Variants in SYT14 observed in about 807,000 individuals in gnomAD.
The protein encoded by SYT14 is synaptotagmin-14.
SYT14 carries 32 observed loss-of-function variants against 74.2 expected under a neutral mutation model. The ratio of observed to expected loss-of-function variants is 0.43; its 90% confidence interval spans 0.33 to 0.58. The LOEUF (loss-of-function observed/expected upper bound fraction) is 0.58. Ranked by LOEUF, SYT14 falls within the 20% of genes least tolerant of loss-of-function variation. SYT14 has a pLI of 0.05. For missense variants in SYT14, 791 were observed against 981.8 expected (o/e 0.81, Z 2.60); for synonymous variants, 298 against 337.7 (o/e 0.88, Z 1.29).
intron 5 of SYT14, 43 bp from the exon 5 acceptor site, chr1:210,094,279 G>A: frequency 6.2e-7 from 1 of 1,613,230 alleles, no homozygotes; most frequent in Non-Finnish European, 8.5e-7. Context: ...ACTGTGTGTT[G>A]AGGCTAATTG....
At chr1:210,096,715 C>T (rs1377127325) in intron 6 of SYT14, among the ~76,000 whole-genome samples, 1 of 152,224 alleles carries the variant, frequency 6.6e-6, no homozygotes, top group Non-Finnish European at 1.5e-5. Flanking sequence ...TGTCAACCTA[C>T]TAGGCAGTTG....
chr1:209,974,804 A>G (rs994402208), intron 2 of SYT14, among the ~76,000 whole-genome samples: 7 of 152,116 alleles, frequency 4.6e-5, no homozygotes, highest in African/African-American at 1.4e-4. Flanking sequence ...ACCTTGGGCA[A>G]TTTGGCCATT....
intron 7 of SYT14, among the ~76,000 whole-genome samples, chr1:210,118,215 T>C (rs1397585478): frequency 6.6e-6 from 1 of 152,000 alleles, no homozygotes; most frequent in Non-Finnish European, 1.5e-5. Flanking sequence ...TAGTTAAGTA[T>C]GCTCTAAAAT....
intron 2 of SYT14, among the ~76,000 whole-genome samples, chr1:209,961,358 T>C (rs923797434): frequency 6.6e-6 from 1 of 152,162 alleles, no homozygotes; most frequent in African/African-American, 2.4e-5. Context: ...ATAGTTCTAA[T>C]TGTCCAGAGT....
At chr1:210,087,605 G>GC (rs1471466673) in intron 5 of SYT14, among the ~76,000 whole-genome samples, 1 of 152,008 alleles carries the variant, frequency 6.6e-6, no homozygotes, top group Non-Finnish European at 1.5e-5. Flanking sequence ...CTGTAGGACT[G>GC]CCCCCATGTA....
At chr1:210,160,825 A>C (rs1408317268) in exon 10 of SYT14, 1 of 1,613,930 alleles carries the variant, frequency 6.2e-7, no homozygotes, top group Non-Finnish European at 8.5e-7. Context: ...CCAGTATATA[A>C]GGAAACTTTT....
chr1:210,163,073 C>T, exon 10 of SYT14: 1 of 453,472 alleles, frequency 2.2e-6, no homozygotes, highest in South Asian at 1.6e-5. Context: ...GCATTTGAAG[C>T]TATAATGAAC....
At chr1:209,969,414 T>G (rs2079208951) in intron 2 of SYT14, among the ~76,000 whole-genome samples, 1 of 152,096 alleles carries the variant, frequency 6.6e-6, no homozygotes, top group Non-Finnish European at 1.5e-5. Flanking sequence ...TCTGCTAATT[T>G]GTTTTTACTT....
intron 2 of SYT14, among the ~76,000 whole-genome samples, chr1:209,992,423 C>G (rs1016322828): frequency 6.6e-6 from 1 of 152,022 alleles, no homozygotes. Context: ...AGTGAAATAA[C>G]TAAAAAACAG....
intron 7 of SYT14, among the ~76,000 whole-genome samples, chr1:210,103,797 A>C (rs1278052381): frequency 6.6e-6 from 1 of 152,118 alleles, no homozygotes; most frequent in African/African-American, 2.4e-5. Context: ...TTATGCTAGT[A>C]TATATTGGGA....
At chr1:210,047,798 CTG>C (rs1269354613) in intron 5 of SYT14, among the ~76,000 whole-genome samples, 2 of 152,174 alleles carry the variant, frequency 1.3e-5, no homozygotes, top group Non-Finnish European at 2.9e-5. Context: ...AACAGGTTGA[CTG>C]TAGCTCAAGA....
chr1:209,994,519 G>A (rs902090514), intron 2 of SYT14, among the ~76,000 whole-genome samples: 6 of 152,138 alleles, frequency 3.9e-5, no homozygotes, highest in Admixed American at 3.9e-4. Context: ...AAGACTCATT[G>A]GCATTCCTGA....
chr1:209,943,317 C>G (rs979221706), intron 1 of SYT14, among the ~76,000 whole-genome samples: 1 of 151,794 alleles, frequency 6.6e-6, no homozygotes, highest in African/African-American at 2.4e-5. Flanking sequence ...CCAGCCTGGC[C>G]AACATGGTGA....
intron 7 of SYT14, among the ~76,000 whole-genome samples, chr1:210,118,944 A>G (rs1048687022): frequency 2.3e-4 from 35 of 152,328 alleles, no homozygotes; most frequent in African/African-American, 7.9e-4. Context: ...TAAAATAACA[A>G]TAAAGTATAC....
At chr1:210,063,931 C>G (rs2081250770) in intron 5 of SYT14, among the ~76,000 whole-genome samples, 1 of 151,744 alleles carries the variant, frequency 6.6e-6, no homozygotes, top group Non-Finnish European at 1.5e-5. Context: ...CTTTTAAAGT[C>G]CTTTTAACAC....
intron 5 of SYT14, among the ~76,000 whole-genome samples, chr1:210,038,574 T>C (rs903391283): frequency 7.9e-5 from 12 of 152,244 alleles, no homozygotes; most frequent in East Asian, 5.8e-4. Context: ...TTCATTTCCA[T>C]GTTTAGAATT....
At chr1:210,153,015 C>T (rs1206512551) in intron 7 of SYT14, among the ~76,000 whole-genome samples, 1 of 152,106 alleles carries the variant, frequency 6.6e-6, no homozygotes, top group South Asian at 2.1e-4. Context: ...TGTATGAACT[C>T]AGTACAAACT....
intron 1 of SYT14, among the ~76,000 whole-genome samples, chr1:209,950,248 TG>T (rs1349379208): frequency 6.6e-6 from 1 of 152,188 alleles, no homozygotes; most frequent in Non-Finnish European, 1.5e-5. Flanking sequence ...TTAATATGTA[TG>T]GAGAATATTT....
At chr1:210,090,404 A>T (rs1553277089) in intron 5 of SYT14, among the ~76,000 whole-genome samples, 1 of 152,168 alleles carries the variant, frequency 6.6e-6, no homozygotes, top group Non-Finnish European at 1.5e-5. Context: ...TTGAATATAC[A>T]TCATTTTTTT....
Sources: allele counts gnomAD v4.1 joint callset (sites outside exome capture counted in the v4.1 genomes callset), GRCh38; gene constraint gnomAD v4.1.1; transcripts MANE v1.5; gene names NCBI Gene and HGNC (gene_info 2026-07-23, HGNC 2026-07-21).